ZNF704: variants seen among roughly 807,000 people sequenced by gnomAD.
ZNF704 encodes zinc finger protein 704.
A neutral mutation model predicts 44.7 loss-of-function variants in ZNF704; 10 were observed. The ratio of observed to expected loss-of-function variants is 0.22; its 90% CI spans 0.14 to 0.38. ZNF704 has a LOEUF of 0.38. Ranked by LOEUF, ZNF704 falls within the 10% of genes least tolerant of loss-of-function variation. ZNF704 has a pLI of 1.00. For missense variants in ZNF704, 390 were observed against 545.5 expected (o/e 0.71, Z 2.84); for synonymous variants, 211 against 207.6 (o/e 1.02, Z -0.14).
intron 1 of ZNF704, among the ~76,000 whole-genome samples, chr8:80,871,524 ACAC>A (rs1809251770): frequency 6.6e-6 from 1 of 152,226 alleles, no homozygotes; most frequent in Non-Finnish European, 1.5e-5. Context: ...TTCACAGGAC[ACAC>A]CACAATCTGA....
the ZNF704 span, among the ~76,000 whole-genome samples, chr8:80,881,345 G>A: frequency 1.3e-5 from 2 of 152,162 alleles, no homozygotes; most frequent in Admixed American, 1.3e-4. Flanking sequence ...AAAGAGTGAG[G>A]GAAGTCACTG....
chr8:80,689,648 T>C (rs1025996807), intron 3 of ZNF704, among the ~76,000 whole-genome samples: 4 of 152,196 alleles, frequency 2.6e-5, no homozygotes, highest in African/African-American at 4.8e-5. Context: ...ATAAAGCTAA[T>C]GGTGCTAGAT....
At chr8:80,831,179 T>C (rs1294883663) in intron 1 of ZNF704, among the ~76,000 whole-genome samples, 1 of 152,196 alleles carries the variant, frequency 6.6e-6, no homozygotes, top group Non-Finnish European at 1.5e-5. Flanking sequence ...AGAGATGGCA[T>C]GGCAACCCAA....
chr8:80,702,457 C>G (rs1186518783), intron 2 of ZNF704, among the ~76,000 whole-genome samples: 3 of 152,144 alleles, frequency 2.0e-5, no homozygotes, highest in Non-Finnish European at 2.9e-5. Flanking sequence ...GATGGCTGTG[C>G]CAGAAGCCTG....
intron 1 of ZNF704, among the ~76,000 whole-genome samples, chr8:80,824,428 G>C (rs1406978670): frequency 1.3e-5 from 2 of 152,186 alleles, no homozygotes; most frequent in Non-Finnish European, 2.9e-5. Context: ...GGGACTATGT[G>C]AAAAGACCAA....
intron 2 of ZNF704, among the ~76,000 whole-genome samples, chr8:80,739,532 C>A (rs571374679): frequency 6.6e-6 from 1 of 152,292 alleles, no homozygotes; most frequent in South Asian, 2.1e-4. Flanking sequence ...TCTAGTTCAC[C>A]TGACCAACTA....
At chr8:80,674,342 A>T (rs998579693) in intron 4 of ZNF704, among the ~76,000 whole-genome samples, 1 of 152,220 alleles carries the variant, frequency 6.6e-6, no homozygotes, top group African/African-American at 2.4e-5. Context: ...TCCATTTTGC[A>T]TTGCCATAAA....
intron 7 of ZNF704, among the ~76,000 whole-genome samples, chr8:80,647,144 C>T (rs994960211): frequency 3.9e-5 from 6 of 152,200 alleles, no homozygotes; most frequent in African/African-American, 2.4e-5. Context: ...ATGGAGCTTA[C>T]GTTCTAGTGA....
At chr8:80,784,189 C>T (rs1215602738) in intron 2 of ZNF704, among the ~76,000 whole-genome samples, 1 of 152,164 alleles carries the variant, frequency 6.6e-6, no homozygotes, top group Non-Finnish European at 1.5e-5. Flanking sequence ...GTCATTGCTT[C>T]CAAGTTTTGG....
At chr8:80,765,060 T>C (rs954868016) in intron 2 of ZNF704, among the ~76,000 whole-genome samples, 1 of 152,150 alleles carries the variant, frequency 6.6e-6, no homozygotes, top group African/African-American at 2.4e-5. Context: ...CCTGGTTCAG[T>C]CCCAAGTCCA....
chr8:80,676,097 T>C (rs1370529618), intron 4 of ZNF704, among the ~76,000 whole-genome samples: 1 of 152,174 alleles, frequency 6.6e-6, no homozygotes, highest in Non-Finnish European at 1.5e-5. Context: ...GAATGTTCCT[T>C]GGATTTGGCA....
intron 2 of ZNF704, among the ~76,000 whole-genome samples, chr8:80,815,425 T>G (rs558776323): frequency 1.4e-4 from 21 of 152,366 alleles, no homozygotes; most frequent in Admixed American, 5.2e-4. Flanking sequence ...CCAACGAATT[T>G]AAGCATCAGT....
intron 2 of ZNF704, among the ~76,000 whole-genome samples, chr8:80,818,285 T>C (rs1208587871): frequency 1.3e-5 from 2 of 152,134 alleles, no homozygotes; most frequent in Non-Finnish European, 2.9e-5. Context: ...CTGCATTCTA[T>C]GGGCCTAAAA....
upstream of ZNF704, among the ~76,000 whole-genome samples, chr8:80,878,247 A>C (rs939340015): frequency 2.8e-5 from 4 of 141,642 alleles, no homozygotes; most frequent in Non-Finnish European, 4.6e-5. Context: ...AGAAAGAAAG[A>C]GAAAGAAAGG....
chr8:80,859,811 G>A (rs1809028057), intron 1 of ZNF704, among the ~76,000 whole-genome samples: 1 of 152,102 alleles, frequency 6.6e-6, no homozygotes. Context: ...GAACAGAAAA[G>A]CGACACAGAG....
chr8:80,879,765 C>A (rs962989365), upstream of ZNF704, among the ~76,000 whole-genome samples: 5 of 152,208 alleles, frequency 3.3e-5, no homozygotes, highest in African/African-American at 1.2e-4. Context: ...ACCTCCCTTT[C>A]CACAAACTGA....
At chr8:80,764,862 G>GT (rs1563545650) in intron 2 of ZNF704, among the ~76,000 whole-genome samples, 1 of 152,182 alleles carries the variant, frequency 6.6e-6, no homozygotes, top group East Asian at 1.9e-4. Flanking sequence ...AAGAAATACA[G>GT]TAAGAAGGAA....
intron 7 of ZNF704, 73 bp downstream of exon 7, chr8:80,659,512 C>G: frequency 8.3e-7 from 1 of 1,211,006 alleles, no homozygotes; most frequent in Non-Finnish European, 1.2e-6. Context: ...TTGCATGCCT[C>G]TACTATTTGT....
intron 1 of ZNF704, among the ~76,000 whole-genome samples, chr8:80,855,050 T>G (rs1275255100): frequency 6.6e-6 from 1 of 152,142 alleles, no homozygotes; most frequent in African/African-American, 2.4e-5. Context: ...TATTTAAAAA[T>G]GTACAATTAA....
Sources: gnomAD v4.1 joint callset for allele counts (sites outside exome capture counted in the v4.1 genomes callset) on GRCh38, gnomAD v4.1.1 for gene constraint, MANE v1.5 for transcripts, NCBI Gene and HGNC (gene_info 2026-07-23, HGNC 2026-07-21) for gene names.